The following CCDC88A variants were observed in gnomAD, a reference collection of about 807,000 sequenced individuals.
CCDC88A encodes the protein coiled-coil and HOOK domain protein 88A.
Under a neutral mutation model 234.3 loss-of-function variants are expected in CCDC88A, and 54 were observed. The observed-to-expected ratio is 0.23, with a 90% CI of 0.19 to 0.29. The LOEUF (loss-of-function observed/expected upper bound fraction) is 0.29. Among genes scored for constraint, CCDC88A ranks in the 10% least tolerant of loss-of-function variants. The pLI is 1.00. For missense variants in CCDC88A, 1,832 were observed against 2,123.4 expected (o/e 0.86, Z 2.70); for synonymous variants, 753 against 737.8 (o/e 1.02, Z -0.33).
At chr2:55,369,916 C>T (rs1288556996) in intron 5 of CCDC88A, among the ~76,000 whole-genome samples, 2 of 152,196 alleles carry the variant, frequency 1.3e-5, no homozygotes, top group Admixed American at 1.3e-4. Context: ...CTCTAAAATT[C>T]AAACTCCTTG....
At chr2:55,354,172 G>A (rs1017375198) in intron 8 of CCDC88A, among the ~76,000 whole-genome samples, 6 of 149,042 alleles carry the variant, frequency 4.0e-5, no homozygotes, top group South Asian at 2.1e-4. Flanking sequence ...ACAGAGTCTC[G>A]CTCTGTCAGC....
At chr2:55,340,979 T>C (rs1169697410) in intron 12 of CCDC88A, among the ~76,000 whole-genome samples, 1 of 152,128 alleles carries the variant, frequency 6.6e-6, no homozygotes, top group Non-Finnish European at 1.5e-5. Flanking sequence ...CCTCAGCCTC[T>C]GGTAACAACC....
At chr2:55,336,984 C>T (rs1218497101) in intron 13 of CCDC88A, 166 bp from the exon 14 acceptor site, 5 of 479,758 alleles carry the variant, frequency 1.0e-5, no homozygotes, top group Admixed American at 4.2e-5. Context: ...ATGCTAATTT[C>T]TGTAGCTGTA....
Position 55,308,946 on chromosome 2 carries a change from G to T in CCDC88A, c.4250C>A (p.Ser1417Tyr), listed in dbSNP as rs1314295309. ...KKDINRERQKSLTLTPTRSDS... is the reference protein window; with the variant it reads ...KKDINRERQKYLTLTPTRSDS... ...TGAGCGGGTGGGTGTTAATGTTAGAGATTTCTGGCGTTCCCGATTAATATC... is the reference window on the plus strand; with the variant it reads ...TGAGCGGGTGGGTGTTAATGTTAGATATTTCTGGCGTTCCCGATTAATATC... Residue 1417 changes from serine to tyrosine, a missense_variant, in exon 25 of 33, where the codon TCT becomes TAT. This residue lies in a region of CCDC88A where 1,282 missense variants were observed against 1,543.6 expected (regional missense o/e 0.83). Transcript: ENST00000436346. 4 of 1,614,026 alleles carry T rather than the reference G, an allele frequency of 2.5e-6. No individual in the cohort carries two copies. The East Asian group carries it at 8.9e-5, about 36-fold the overall frequency.
chr2:55,378,621 T>C (rs974630199), intron 3 of CCDC88A, among the ~76,000 whole-genome samples: 5 of 152,190 alleles, frequency 3.3e-5, no homozygotes, highest in Non-Finnish European at 7.3e-5. Context: ...CTAAAAGTAC[T>C]AACATTAGGT....
chr2:55,348,418 T>G (rs1669458851), intron 9 of CCDC88A: 1 of 151,880 alleles, frequency 6.6e-6, no homozygotes. Context: ...GGATTACAGG[T>G]GCCCACAATC....
Position 55,339,334 on chromosome 2 carries a change from A to G in CCDC88A, c.1518+130T>C, listed in dbSNP as rs1668184766. Reference sequence around the variant, plus strand: ...GTTCATTCACACCATATTTGTGTATATTTGAAAATTTTCATAACAAGTTAA... The same window carrying G: ...GTTCATTCACACCATATTTGTGTATGTTTGAAAATTTTCATAACAAGTTAA... On this transcript the variant is annotated intron_variant, in intron 13 of 32. Transcript: ENST00000436346. 1.4e-5 allele frequency: 12 copies of G among 838,656 alleles called. No individual in the cohort carries two copies. In the East Asian group the frequency reaches 3.6e-4, roughly 25 times the overall value. The allele number at this position is 838,656 out of a possible 1,614,324, so 52.0% of individuals were successfully genotyped here.
At chr2:55,300,025 C>T (rs1263025220) in intron 28 of CCDC88A, 106 bp from the exon 29 acceptor site, 2 of 781,214 alleles carry the variant, frequency 2.6e-6, no homozygotes, top group South Asian at 3.0e-5. Flanking sequence ...ATCATGCATA[C>T]TTTCACAAGA....
At chr2:55,376,575 T>A (rs1389217330) in intron 3 of CCDC88A, among the ~76,000 whole-genome samples, 1 of 152,132 alleles carries the variant, frequency 6.6e-6, no homozygotes, top group Non-Finnish European at 1.5e-5. Flanking sequence ...TTCAAAAAAG[T>A]TTTCCTCAGT....
At chr2:55,344,200 C>G in intron 11 of CCDC88A, 168 bp downstream of exon 11, 1 of 416,094 alleles carries the variant, frequency 2.4e-6, no homozygotes, top group Non-Finnish European at 4.2e-6. Flanking sequence ...GCAGAAATTT[C>G]TACTACTTTT....
At chr2:55,366,941 G>A (rs1173494174) in intron 5 of CCDC88A, among the ~76,000 whole-genome samples, 1 of 152,152 alleles carries the variant, frequency 6.6e-6, no homozygotes, top group Non-Finnish European at 1.5e-5. Flanking sequence ...GATTCAAACA[G>A]ACATTTGTAC....
At chr2:55,313,888 C>G (rs921413664) in intron 22 of CCDC88A, 1 of 152,028 alleles carries the variant, frequency 6.6e-6, no homozygotes, top group African/African-American at 2.4e-5. Context: ...TAAATTGAAA[C>G]ATAACATATG....
intron 3 of CCDC88A, among the ~76,000 whole-genome samples, chr2:55,381,425 C>T (rs1002375695): frequency 6.6e-6 from 1 of 151,658 alleles, no homozygotes; most frequent in Admixed American, 6.6e-5. Flanking sequence ...TAGTGGCATG[C>T]GCCTGTATTC....
rs748991576 is a variant in CCDC88A, at chr2:55,334,592, G to A, written c.2229C>T (p.Leu743=). 1 of 1,613,290 alleles carries A rather than the reference G, an allele frequency of 6.2e-7. No individual in the cohort carries two copies. The highest frequency in any genetic ancestry group is 8.5e-7 in the Non-Finnish European group (1 of 1,179,760). ...CTGTTTTCTTGAAAGATGCTTTCAGGAGCTCCAAACCCTTCTTAAGTTGCT... is the reference window on the plus strand; with the variant it reads ...CTGTTTTCTTGAAAGATGCTTTCAGAAGCTCCAAACCCTTCTTAAGTTGCT... The part of the protein sequence containing the change: ...EKEQLKKGLE[L]LKASFKKTER... The change falls in exon 15 of 33, where the codon CTC becomes CTT. Residue 743 remains leucine (L), a synonymous_variant. Transcript: ENST00000436346. This position sits in a 1 kb window ranked among gnomAD's most constrained non-coding sequence, Gnocchi z 6.1.
chr2:55,354,727 A>G (rs1196555997), intron 8 of CCDC88A, among the ~76,000 whole-genome samples: 1 of 149,150 alleles, frequency 6.7e-6, no homozygotes, highest in Non-Finnish European at 1.5e-5. Context: ...CCATGCCCGG[A>G]TAATTTTTTT....
chr2:55,384,252 G>A (rs1013132089), intron 3 of CCDC88A, among the ~76,000 whole-genome samples: 11 of 150,132 alleles, frequency 7.3e-5, no homozygotes, highest in Non-Finnish European at 1.6e-4. Flanking sequence ...AAATCCAGGT[G>A]GGGCAGAGGT....
rs1200730594 is a variant in CCDC88A at position 55,297,416 on chromosome 2, A to AT, written c.4826-894dup. On this transcript the variant is annotated intron_variant, in intron 29 of 32. Coordinates refer to ENST00000436346, the MANE Select transcript of CCDC88A (RefSeq NM_001365480.1). ...TATATATAAATATACATATGTGTGT[A>AT]TTTTTTTTTTTTGAGATGGGGTCTC... is the stretch of plus-strand genomic sequence containing the variant. Among the ~76,000 whole-genome samples the AT allele has an allele frequency of 2.2e-3, 83 of 36,920 alleles. 1 individual carries two copies. Among genetic ancestry groups the AT allele is most frequent in the Non-Finnish European group, 4.3e-3 (58 of 13,566 alleles). 24.2% of individuals were successfully genotyped at this position (36,920 alleles called of 152,430 possible). A position where few individuals can be genotyped will look rare whatever the true frequency, so the allele number is the denominator to read the frequency against.
intron 5 of CCDC88A, among the ~76,000 whole-genome samples, chr2:55,370,523 C>T (rs539625182): frequency 6.6e-6 from 1 of 151,498 alleles, no homozygotes; most frequent in African/African-American, 2.4e-5. Context: ...CATCTATCAT[C>T]CCAGCTACTT....
chr2:55,408,238 A>G (rs1037492750), intron 2 of CCDC88A, among the ~76,000 whole-genome samples: 1 of 151,830 alleles, frequency 6.6e-6, no homozygotes, highest in African/African-American at 2.4e-5. Context: ...TCTGACCTTG[A>G]CCTCCTATCT....
Sources: allele counts gnomAD v4.1 joint callset (sites outside exome capture counted in the v4.1 genomes callset), GRCh38; gene constraint gnomAD v4.1.1; regional missense constraint gnomAD v4.1.1; non-coding constraint Gnocchi (gnomAD v3.1); transcripts MANE v1.5; gene names NCBI Gene and HGNC (gene_info 2026-07-23, HGNC 2026-07-21).